The following CTNNA2 variants were observed in gnomAD, a reference collection of about 807,000 sequenced individuals.
CTNNA2 encodes the protein catenin alpha 2, also known as catenin alpha-2.
In CTNNA2, 42 loss-of-function variants were observed where a neutral mutation model predicts 101.0. The observed-to-expected ratio is 0.42, with a 90% CI of 0.32 to 0.54. The LOEUF is 0.54. Among genes scored for constraint, CTNNA2 ranks in the 20% least tolerant of loss-of-function variants. CTNNA2 has a pLI of 0.14. For synonymous variants in CTNNA2, 450 were observed against 456.4 expected (o/e 0.99, Z 0.18); for missense variants, 871 against 1,223.1 (o/e 0.71, Z 4.29).
intron 15 of CTNNA2, among the ~76,000 whole-genome samples, chr2:80,595,744 C>T (rs1025303256): frequency 6.6e-6 from 1 of 152,098 alleles, no homozygotes; most frequent in Non-Finnish European, 1.5e-5. Flanking sequence ...GGTACCAGTA[C>T]CATGCTGTTT....
intron 7 of CTNNA2, among the ~76,000 whole-genome samples, chr2:79,966,773 A>G (rs1218590608): frequency 6.6e-6 from 1 of 152,176 alleles, no homozygotes; most frequent in Non-Finnish European, 1.5e-5. Context: ...TTTTAGCAAC[A>G]TTCAAACCAG....
Position 80,302,455 on chromosome 2 carries a change from G to A in CTNNA2, c.1057-90756G>A, listed in dbSNP as rs1249346834. 6.2e-7 allele frequency: 1 copy of A among 1,614,180 alleles called. No homozygotes were observed. Among genetic ancestry groups the A allele is most frequent in the South Asian group, 1.1e-5 (1 of 91,084 alleles). ...AGCACTGTCTGAGCTGCCTGAGGCT[G>A]GCTGGGAAACACTTCCAGGACACGT... On this transcript the variant is annotated intron_variant, in intron 7 of 18. Coordinates refer to ENST00000402739, the MANE Select transcript of CTNNA2 (RefSeq NM_001282597.3). This position sits in a 1 kb window ranked among gnomAD's most constrained non-coding sequence, Gnocchi z 6.4.
At chr2:80,515,164 T>C (rs200009764) in intron 9 of CTNNA2, among the ~76,000 whole-genome samples, 2,981 of 151,756 alleles carry the variant, frequency 0.02, 75 homozygotes, top group East Asian at 0.11. Context: ...TTTTTTTTTT[T>C]TCCCCCTTGG....
chr2:79,750,077 T>C (rs1671914699), intron 3 of CTNNA2, among the ~76,000 whole-genome samples: 1 of 152,200 alleles, frequency 6.6e-6, no homozygotes, highest in South Asian at 2.1e-4. Context: ...GATGTGCAGC[T>C]GGTGAACCAT....
chr2:79,864,727 A>C (rs904584206), intron 4 of CTNNA2, among the ~76,000 whole-genome samples: 1 of 151,928 alleles, frequency 6.6e-6, no homozygotes, highest in East Asian at 1.9e-4. Flanking sequence ...GGCTTTAGAA[A>C]CTCACCCTTT....
chr2:79,771,354 G>C (rs1326149015), intron 3 of CTNNA2, among the ~76,000 whole-genome samples: 1 of 152,148 alleles, frequency 6.6e-6, no homozygotes, highest in African/African-American at 2.4e-5. Context: ...GTGGAAGATA[G>C]TTTTTCCTCA....
At chr2:80,354,388 C>T (rs1416105742) in intron 7 of CTNNA2, among the ~76,000 whole-genome samples, 2 of 152,016 alleles carry the variant, frequency 1.3e-5, no homozygotes, top group Non-Finnish European at 2.9e-5. Flanking sequence ...GCCATCATAA[C>T]CAAATCACTC....
chr2:79,485,425 G>A (rs1350946269), intron 4 of CTNNA2, among the ~76,000 whole-genome samples: 1 of 152,136 alleles, frequency 6.6e-6, no homozygotes, highest in Non-Finnish European at 1.5e-5. Flanking sequence ...TGTACAATGT[G>A]TATGCACACT....
intron 8 of CTNNA2, among the ~76,000 whole-genome samples, chr2:80,407,961 C>T (rs1391329548): frequency 6.6e-6 from 1 of 152,170 alleles, no homozygotes; most frequent in African/African-American, 2.4e-5. Context: ...AAATGGTTTT[C>T]TGTTTTAGAA....
chr2:80,104,428 T>C (rs7592938), intron 7 of CTNNA2, among the ~76,000 whole-genome samples: 28,161 of 152,162 alleles, frequency 0.19, 4,001 homozygotes, highest in African/African-American at 0.39. Flanking sequence ...GCCCCTATTG[T>C]CCAGAAAATG....
chr2:80,647,041 C>CATAAGTATCAGTATTTAT lies in CTNNA2; in HGVS notation c.2575-540_2575-523dup, dbSNP rs562536315. Among the ~76,000 whole-genome samples the CATAAGTATCAGTATTTAT allele has an allele frequency of 1.3e-3, 203 of 152,154 alleles. 2 individuals are homozygous for CATAAGTATCAGTATTTAT. The highest frequency in any genetic ancestry group is 4.2e-3 in the African/African-American group (176 of 41,532). On this transcript the variant is annotated intron_variant, in intron 18 of 18. Transcript: ENST00000402739. ...CTCACTGAATGCTATGAGATCCTGACATAAGTATCAGTATTTATATAGGAG... is the reference window on the plus strand; with the variant it reads ...CTCACTGAATGCTATGAGATCCTGACATAAGTATCAGTATTTATATAAGTATCAGTATTTATATAGGAG...
chr2:80,229,523 G>A (rs1050387434), intron 7 of CTNNA2, among the ~76,000 whole-genome samples: 6 of 151,550 alleles, frequency 4.0e-5, no homozygotes, highest in African/African-American at 1.2e-4. Flanking sequence ...CAAGATATGA[G>A]GGATGGGTGC....
chr2:80,565,856 T>C (rs1269201276), intron 12 of CTNNA2, among the ~76,000 whole-genome samples: 1 of 152,204 alleles, frequency 6.6e-6, no homozygotes, highest in Non-Finnish European at 1.5e-5. Context: ...CTGATCTTTA[T>C]GTAAACCCTG....
intron 1 of CTNNA2, among the ~76,000 whole-genome samples, chr2:79,535,087 A>G (rs2103955902): frequency 6.6e-6 from 1 of 152,342 alleles, no homozygotes; most frequent in Non-Finnish European, 1.5e-5. Flanking sequence ...GAGATAAACT[A>G]TTCATGCAAA....
chr2:79,838,105 AG>A (rs1300983254), intron 3 of CTNNA2, among the ~76,000 whole-genome samples: 1 of 152,184 alleles, frequency 6.6e-6, no homozygotes, highest in African/African-American at 2.4e-5. Context: ...TACTATACTC[AG>A]TAAATGGATT....
chr2:79,887,122 T>C (rs1174683767), intron 6 of CTNNA2, among the ~76,000 whole-genome samples: 4 of 152,068 alleles, frequency 2.6e-5, no homozygotes, highest in African/African-American at 9.7e-5. Context: ...TGGCCCAGAC[T>C]TGTGTTTTTG....
intron 1 of CTNNA2, among the ~76,000 whole-genome samples, chr2:79,530,824 G>A (rs1672692088): frequency 6.6e-6 from 1 of 151,874 alleles, no homozygotes; most frequent in Admixed American, 6.6e-5. Flanking sequence ...TAAAGAGAAG[G>A]TTCAGTTTAG....
At chr2:80,562,551 A>G (rs1413579375) in intron 12 of CTNNA2, among the ~76,000 whole-genome samples, 1 of 152,358 alleles carries the variant, frequency 6.6e-6, no homozygotes, top group African/African-American at 2.4e-5. Context: ...TCTTCTGTCA[A>G]CAGAACATAT....
chr2:79,634,838 C>G (rs1473979636), intron 1 of CTNNA2: 1 of 152,278 alleles, frequency 6.6e-6, no homozygotes, highest in Non-Finnish European at 1.5e-5. Context: ...TAGCAGTTCA[C>G]TAGGTCTAGA....
Sources: allele counts gnomAD v4.1 joint callset (sites outside exome capture counted in the v4.1 genomes callset), GRCh38; gene constraint gnomAD v4.1.1; non-coding constraint Gnocchi (gnomAD v3.1); transcripts MANE v1.5; gene names NCBI Gene and HGNC (gene_info 2026-07-23, HGNC 2026-07-21).